The following ZFPM1 variants were observed in gnomAD, a reference collection of about 807,000 sequenced individuals.
ZFPM1 encodes zinc finger protein ZFPM1.
Under a neutral mutation model 46.3 loss-of-function variants are expected in ZFPM1, and 28 were observed. That is an observed-to-expected ratio of 0.60 (90% CI 0.45 to 0.83). ZFPM1 has a LOEUF of 0.83. ZFPM1 is among the 40% of genes least tolerant of loss of function. The pLI is 0.00. For synonymous variants in ZFPM1, 957 were observed against 675.9 expected, an observed-to-expected ratio of 1.42 and a Z score of -6.45; for missense variants, 1,878 against 1,432.4, an observed-to-expected ratio of 1.31 and a Z score of -5.02.
At position 88,469,395 on chromosome 16, in the gene ZFPM1, CG is replaced by C; in HGVS notation, c.40+15719del. Among the ~76,000 whole-genome samples, 1 of 152,344 alleles carries C rather than the reference CG, an allele frequency of 6.6e-6. No individual in the cohort carries two copies. The highest frequency in any genetic ancestry group is 2.1e-4 in the South Asian group (1 of 4,824). On this transcript the variant is annotated intron_variant, in intron 1 of 9. Transcript: ENST00000319555. This position sits in a 1 kb window ranked among gnomAD's most constrained non-coding sequence, Gnocchi z 4.3. The stretch of plus-strand genomic sequence containing the variant: ...CTGGGCTCTTCAGCAAGCCCCTTGC[CG>C]GCCTGGGCCTCAGTTTCCCCTTCCA...
intron 1 of ZFPM1, among the ~76,000 whole-genome samples, chr16:88,466,393 G>A (rs988471045): frequency 4.6e-5 from 7 of 152,228 alleles, no homozygotes; most frequent in African/African-American, 1.7e-4. Flanking sequence ...AGCATGAAGA[G>A]AACAGAAGGG....
intron 3 of ZFPM1, among the ~76,000 whole-genome samples, chr16:88,502,347 C>G (rs1170145772): frequency 6.6e-6 from 1 of 152,082 alleles, no homozygotes; most frequent in Non-Finnish European, 1.5e-5. Context: ...CCCCCGCCCT[C>G]TCCCGCCCTG....
chr16:88,483,130 C>T (rs55965793), intron 1 of ZFPM1, among the ~76,000 whole-genome samples: 12,817 of 152,146 alleles, frequency 0.084, 875 homozygotes, highest in African/African-American at 0.19. Context: ...GGTCTGAGCC[C>T]AGCCCCCTCC....
At chr16:88,500,702 G>A (rs1910201674) in intron 3 of ZFPM1, among the ~76,000 whole-genome samples, 1 of 152,234 alleles carries the variant, frequency 6.6e-6, no homozygotes, top group African/African-American at 2.4e-5. Context: ...CCTGGGGCCT[G>A]TTGTGCCCTG....
chr16:88,506,939 G>T (rs17700789), intron 3 of ZFPM1, among the ~76,000 whole-genome samples: 25,752 of 152,260 alleles, frequency 0.17, 2,410 homozygotes, highest in East Asian at 0.28. Context: ...ATGTCACGTT[G>T]TTCCTTCCAT....
intron 4 of ZFPM1, among the ~76,000 whole-genome samples, chr16:88,518,752 GAT>G (rs1350054792): frequency 6.8e-6 from 1 of 148,020 alleles, no homozygotes; most frequent in Admixed American, 6.7e-5. Context: ...TGGATGGATG[GAT>G]GGATGGATGG....
At chr16:88,483,295 C>G (rs1344152977) in intron 1 of ZFPM1, among the ~76,000 whole-genome samples, 1 of 150,976 alleles carries the variant, frequency 6.6e-6, no homozygotes, top group Non-Finnish European at 1.5e-5. Flanking sequence ...CCAGGACCCC[C>G]CATGGCTCCC....
At chr16:88,481,116 A>C (rs979856637) in intron 1 of ZFPM1, among the ~76,000 whole-genome samples, 6 of 152,238 alleles carry the variant, frequency 3.9e-5, no homozygotes, top group Non-Finnish European at 5.9e-5. Flanking sequence ...CGGCTTAATG[A>C]GCAGGAGACG....
At chr16:88,499,491 T>C (rs1258044678) in intron 3 of ZFPM1, among the ~76,000 whole-genome samples, 1 of 151,838 alleles carries the variant, frequency 6.6e-6, no homozygotes, top group African/African-American at 2.4e-5. Flanking sequence ...CCAGCTGACT[T>C]TGGGAGCAGC....
chr16:88,460,759 G>A (rs1597226174), intron 1 of ZFPM1, among the ~76,000 whole-genome samples: 2 of 152,332 alleles, frequency 1.3e-5, no homozygotes, highest in South Asian at 2.1e-4. Flanking sequence ...AATAGCAGCT[G>A]TTTGGAGCAG....
intron 5 of ZFPM1, among the ~76,000 whole-genome samples, chr16:88,527,370 C>G (rs1049030607): frequency 6.6e-6 from 1 of 152,190 alleles, no homozygotes; most frequent in African/African-American, 2.4e-5. Flanking sequence ...GGGGCCTTGC[C>G]GTGCTGCTGC....
chr16:88,500,080 A>G (rs1368331196), intron 3 of ZFPM1, among the ~76,000 whole-genome samples: 1 of 152,148 alleles, frequency 6.6e-6, no homozygotes, highest in Non-Finnish European at 1.5e-5. Context: ...GCAGGCGCTA[A>G]TCAAGCTGGC....
intron 1 of ZFPM1, among the ~76,000 whole-genome samples, chr16:88,454,212 G>A (rs1010690796): frequency 6.6e-6 from 1 of 151,962 alleles, no homozygotes; most frequent in Non-Finnish European, 1.5e-5. Context: ...CAAGTGGCAG[G>A]CACCGGCCCG....
intron 3 of ZFPM1, among the ~76,000 whole-genome samples, chr16:88,504,625 C>A (rs1054754978): frequency 2.0e-5 from 3 of 152,114 alleles, no homozygotes; most frequent in African/African-American, 7.2e-5. Context: ...CGTGCACAGA[C>A]CCCTTAAGGG....
rs1481269700 is a variant in ZFPM1, at chr16:88,528,231, G to A, written c.705G>A (p.Val235=). The A allele has an allele frequency of 1.2e-6, 2 of 1,606,808 alleles. No homozygotes were observed. The highest frequency in any genetic ancestry group is 2.2e-5 in the East Asian group (1 of 44,742). The change falls in exon 6 of 10, where the codon GTG becomes GTA. Residue 235 remains valine (V), a synonymous_variant. Coordinates refer to ENST00000319555, the MANE Select transcript of ZFPM1 (RefSeq NM_153813.3). ...AGMASILATA[V]INKDVFPCKD... ...TGGCCTCCATCCTTGCCACCGCAGTGATCAACAGTAAGTGCTGGGCTCTCC... is the reference window on the plus strand; with the variant it reads ...TGGCCTCCATCCTTGCCACCGCAGTAATCAACAGTAAGTGCTGGGCTCTCC...
rs1008639789 is a variant in ZFPM1, at chr16:88,471,049, T to G, written c.41-14890T>G. Among the ~76,000 whole-genome samples the G allele has an allele frequency of 5.9e-5, 9 of 152,264 alleles. No individual in the cohort carries two copies. The highest frequency in any genetic ancestry group is 5.2e-4 in the Admixed American group (8 of 15,306). The stretch of plus-strand genomic sequence containing the variant: ...CGCGACAGGCATTCCCTTCCCCGTG[T>G]GCCCTTGCCAACTACATACTGGGCT... On this transcript the variant is annotated intron_variant, in intron 1 of 9. Coordinates refer to ENST00000319555, the MANE Select transcript of ZFPM1 (RefSeq NM_153813.3). The surrounding 1 kb of genome is among the most constrained non-coding windows in gnomAD (Gnocchi z 4.1).
rs909222859 is a variant in ZFPM1 at position 88,457,658 on chromosome 16, A to G, written c.40+3980A>G. Reference sequence around the variant, plus strand: ...CTCTCTTTTTTTTTTCCTTAGTTAAAATTTTTTTACAAAATAGACATGGAG... The same window carrying G: ...CTCTCTTTTTTTTTTCCTTAGTTAAGATTTTTTTACAAAATAGACATGGAG... On this transcript the variant is annotated intron_variant, in intron 1 of 9. Coordinates refer to ENST00000319555, the MANE Select transcript of ZFPM1 (RefSeq NM_153813.3). Among the ~76,000 whole-genome samples the G allele has an allele frequency of 2.6e-5, 4 of 151,750 alleles. No individual in the cohort carries two copies. In the South Asian group the frequency reaches 6.2e-4, roughly 24 times the overall value.
rs1246478214 is a variant in ZFPM1 at position 88,534,742 on chromosome 16, G to C, written c.2784G>C (p.Pro928=). 39 of 988,916 alleles carry C rather than the reference G, an allele frequency of 3.9e-5. 1 individual carries two copies. The East Asian group carries it at 1.7e-3, about 43-fold the overall frequency. 61.3% of individuals were successfully genotyped at this position (988,916 alleles called of 1,614,324 possible). A position where few individuals can be genotyped will look rare whatever the true frequency, so the allele number is the denominator to read the frequency against. The change falls in exon 10 of 10, where the codon CCG becomes CCC. Residue 928 remains proline (P), a synonymous_variant. Coordinates refer to ENST00000319555, the MANE Select transcript of ZFPM1 (RefSeq NM_153813.3). ...GCCTCGGCCCGGAGCCCCAGGAGCC[G>C]CCGCCCGGCCCGCCCCCGTCCCCGG... The part of the protein sequence containing the change: ...RDGLGPEPQE[P]PPGPPPSPAA...
At position 88,533,472 on chromosome 16, in the gene ZFPM1, C is replaced by T. The variant is rs1184100736; in HGVS notation, c.1514C>T (p.Ser505Phe). Residue 505 changes from serine (S) to phenylalanine (F), a missense_variant, in exon 10 of 10, where the codon TCC (serine) becomes TTC (phenylalanine). Physicochemically the swap from Ser to Phe is radical, Grantham distance 155. Coordinates refer to ENST00000319555, the MANE Select transcript of ZFPM1 (RefSeq NM_153813.3). ...CCGGCCAGGGTCAAGGCCGAGCTGT[C>T]CAGCCCCACGCCGGGCTCCAGCCCG... is the stretch of plus-strand genomic sequence containing the variant. The part of the protein sequence containing the change: ...PAPARVKAEL[S>F]SPTPGSSPVP... The T allele has an allele frequency of 3.5e-6, 5 of 1,414,028 alleles. No individual in the cohort carries two copies. In the East Asian group the frequency reaches 1.3e-4, roughly 36 times the overall value. 87.6% of individuals were successfully genotyped at this position (1,414,028 alleles called of 1,614,324 possible).
Sources: gnomAD v4.1 joint callset for allele counts (sites outside exome capture counted in the v4.1 genomes callset) on GRCh38, gnomAD v4.1.1 for gene constraint, Gnocchi (gnomAD v3.1) non-coding constraint, MANE v1.5 for transcripts, NCBI Gene and HGNC (gene_info 2026-07-23, HGNC 2026-07-21) for gene names.